The following PSMD1 variants were observed in gnomAD, a reference collection of about 807,000 sequenced individuals.
PSMD1 encodes 26S proteasome non-ATPase regulatory subunit 1.
Under a neutral mutation model 119.0 loss-of-function variants are expected in PSMD1, and 18 were observed. The observed-to-expected ratio is 0.15, with a 90% CI of 0.10 to 0.22. The LOEUF (loss-of-function observed/expected upper bound fraction) is 0.22, where lower values mean the gene tolerates loss of function less well. Ranked by LOEUF, PSMD1 falls within the 10% of genes least tolerant of loss-of-function variation. The pLI is 1.00. For synonymous variants in PSMD1, 374 were observed against 396.6 expected (o/e 0.94, Z 0.68); for missense variants, 702 against 1,158.5 (o/e 0.61, Z 5.72).
chr2:231,108,795 C>T (rs149801055), intron 16 of PSMD1: 202 of 1,614,158 alleles, frequency 1.3e-4, no homozygotes, highest in Non-Finnish European at 5.3e-5. Flanking sequence ...CGGCCAAATG[C>T]ATCCCGAAAT....
At chr2:231,127,708 G>A (rs1304412341) in intron 16 of PSMD1, among the ~76,000 whole-genome samples, 1 of 152,182 alleles carries the variant, frequency 6.6e-6, no homozygotes, top group Non-Finnish European at 1.5e-5. Flanking sequence ...GATGACTTCT[G>A]TGTACTTAAG....
At position 231,123,541 on chromosome 2, in the gene PSMD1, A is replaced by G. The variant is rs768409174; in HGVS notation, c.1884-15195A>G. ...CTTCTCCAGTGAAACAGCCAGAATA[A>G]CAAGGGTATTTCCACCAATTGTGGG... is the stretch of plus-strand genomic sequence containing the variant. On this transcript the variant is annotated intron_variant, in intron 16 of 24. Transcript: ENST00000308696. 4 of 1,614,110 alleles carry G rather than the reference A, an allele frequency of 2.5e-6. No individual in the cohort carries two copies. In the Admixed American group the frequency reaches 6.7e-5, roughly 27 times the overall value.
At chr2:231,163,383 T>A (rs1246914248) in intron 20 of PSMD1, 2 of 377,732 alleles carry the variant, frequency 5.3e-6, no homozygotes, top group Admixed American at 4.1e-5. Flanking sequence ...TTGAAGCAGG[T>A]TGGTTTGTTC....
intron 16 of PSMD1, among the ~76,000 whole-genome samples, chr2:231,092,704 C>T (rs1694625221): frequency 6.6e-6 from 1 of 152,186 alleles, no homozygotes; most frequent in South Asian, 2.1e-4. Context: ...TTATAATAGC[C>T]TAAATGGAGT....
At chr2:231,118,783 T>C (rs780594321) in intron 16 of PSMD1, among the ~76,000 whole-genome samples, 8 of 152,198 alleles carry the variant, frequency 5.3e-5, no homozygotes, top group Non-Finnish European at 8.8e-5. Context: ...ACATAAAATG[T>C]TTCCCTTTGG....
At chr2:231,089,781 C>G (rs538909210) in intron 16 of PSMD1, among the ~76,000 whole-genome samples, 11 of 152,238 alleles carry the variant, frequency 7.2e-5, no homozygotes, top group Admixed American at 6.5e-4. Context: ...AGGCTGGAGG[C>G]TAATCCAGTC....
At chr2:231,082,166 C>T (rs1252765517) in intron 12 of PSMD1, among the ~76,000 whole-genome samples, 2 of 152,118 alleles carry the variant, frequency 1.3e-5, no homozygotes, top group Middle Eastern at 3.2e-3. Flanking sequence ...GGGCTCAGGC[C>T]GTTCTCCCAC....
chr2:231,163,926 T>A lies in PSMD1; in HGVS notation c.2481+199T>A, dbSNP rs547044670. Among the ~76,000 whole-genome samples, 37 of 152,362 alleles carry A rather than the reference T, an allele frequency of 2.4e-4. 1 individual carries two copies. In the South Asian group the frequency reaches 5.0e-3, roughly 20 times the overall value. On this transcript the variant is annotated intron_variant, in intron 21 of 24. Coordinates refer to ENST00000308696, the MANE Select transcript of PSMD1 (RefSeq NM_002807.4). ...CTCATGTCACAGGAGTCACAACTTC[T>A]GAATCCCTCTGAAGGTTTTCTCTGC...
At chr2:231,088,136 G>C (rs942865894) in intron 16 of PSMD1, among the ~76,000 whole-genome samples, 1 of 152,158 alleles carries the variant, frequency 6.6e-6, no homozygotes, top group Non-Finnish European at 1.5e-5. Context: ...TTTTTGACAA[G>C]TGAATTAATA....
chr2:231,148,923 C>T (rs965340694), intron 18 of PSMD1, among the ~76,000 whole-genome samples: 2 of 152,108 alleles, frequency 1.3e-5, no homozygotes, highest in Admixed American at 1.3e-4. Context: ...GCTACAGAGT[C>T]TTAATTGCAA....
chr2:231,114,168 A>G (rs532572837), intron 16 of PSMD1, among the ~76,000 whole-genome samples: 10 of 152,338 alleles, frequency 6.6e-5, no homozygotes, highest in Admixed American at 2.0e-4. Flanking sequence ...TTTCTAAGTC[A>G]GCAGCAGTTT....
At chr2:231,073,235 A>G (rs984176652) in intron 7 of PSMD1, among the ~76,000 whole-genome samples, 1 of 152,198 alleles carries the variant, frequency 6.6e-6, no homozygotes, top group Admixed American at 6.5e-5. Context: ...AAGATCACTG[A>G]TGACAGATTA....
intron 16 of PSMD1, among the ~76,000 whole-genome samples, chr2:231,112,907 G>A (rs962051067): frequency 5.9e-5 from 9 of 152,166 alleles, no homozygotes; most frequent in African/African-American, 2.2e-4. Flanking sequence ...ACTCACGCCT[G>A]TAATCCCAGC....
chr2:231,069,311 T>TGA (rs1693983019), intron 5 of PSMD1, among the ~76,000 whole-genome samples: 1 of 152,184 alleles, frequency 6.6e-6, no homozygotes, highest in Non-Finnish European at 1.5e-5. Flanking sequence ...TATAACTCTG[T>TGA]TATTTTTAAA....
intron 16 of PSMD1, among the ~76,000 whole-genome samples, chr2:231,137,808 C>T (rs1369209681): frequency 1.3e-5 from 2 of 152,110 alleles, no homozygotes; most frequent in African/African-American, 4.8e-5. Context: ...TCTGTTCCTG[C>T]CTTAATTCAC....
chr2:231,145,829 G>A (rs1696238460), intron 17 of PSMD1, among the ~76,000 whole-genome samples: 1 of 144,512 alleles, frequency 6.9e-6, no homozygotes, highest in African/African-American at 2.5e-5. Context: ...GGAGGCAGGG[G>A]TTGCAGTGAG....
chr2:231,086,072 G>T (rs1446834116), intron 15 of PSMD1, among the ~76,000 whole-genome samples: 2 of 150,152 alleles, frequency 1.3e-5, no homozygotes, highest in African/African-American at 4.9e-5. Context: ...ACAGGGTTTC[G>T]CTCTATCATC....
At chr2:231,065,578 C>A (rs992466791) in intron 4 of PSMD1, among the ~76,000 whole-genome samples, 1 of 152,044 alleles carries the variant, frequency 6.6e-6, no homozygotes, top group Non-Finnish European at 1.5e-5. Flanking sequence ...GGATTACAGG[C>A]GTGGGCCACC....
intron 16 of PSMD1, among the ~76,000 whole-genome samples, chr2:231,103,538 C>T (rs141445923): frequency 3.4e-4 from 52 of 152,338 alleles, no homozygotes; most frequent in African/African-American, 1.2e-3. Context: ...CTGCCACAGA[C>T]TCCACACTTT....
Sources: allele counts gnomAD v4.1 joint callset (sites outside exome capture counted in the v4.1 genomes callset), GRCh38; gene constraint gnomAD v4.1.1; transcripts MANE v1.5; gene names NCBI Gene and HGNC (gene_info 2026-07-23, HGNC 2026-07-21).